The following CREB5 variants were observed in gnomAD, a reference collection of about 807,000 sequenced individuals.
CREB5 encodes the protein cyclic AMP-responsive element-binding protein 5.
A neutral mutation model predicts 57.1 loss-of-function variants in CREB5; 19 were observed. The observed-to-expected ratio is 0.33, with a 90% confidence interval of 0.23 to 0.49. The LOEUF is 0.49. Ranked by LOEUF, CREB5 falls within the 20% of genes least tolerant of loss-of-function variation. The pLI, the probability that CREB5 is intolerant of heterozygous loss-of-function variation, is 0.99. For synonymous variants in CREB5, 238 were observed against 238.3 expected, an observed-to-expected ratio of 1.00 and a Z score of 0.01; for missense variants, 579 against 671.6, an observed-to-expected ratio of 0.86 and a Z score of 1.52.
chr7:28,802,538 GA>G (rs1488272551), intron 7 of CREB5, among the ~76,000 whole-genome samples: 1 of 152,196 alleles, frequency 6.6e-6, no homozygotes, highest in Non-Finnish European at 1.5e-5. Flanking sequence ...CACAAATCTG[GA>G]AAGAACTTGC....
intron 1 of CREB5, among the ~76,000 whole-genome samples, chr7:28,331,322 T>C (rs983859682): frequency 2.6e-5 from 4 of 152,120 alleles, no homozygotes; most frequent in African/African-American, 9.7e-5. Flanking sequence ...AAGGAGCCGT[T>C]TTAGAATTTT....
intron 1 of CREB5, among the ~76,000 whole-genome samples, chr7:28,394,183 A>G (rs1043487672): frequency 5.3e-5 from 8 of 151,620 alleles, no homozygotes; most frequent in African/African-American, 1.9e-4. Context: ...AAGAAATATA[A>G]TTGATATTTT....
chr7:28,577,256 T>C (rs1795942369), intron 5 of CREB5, among the ~76,000 whole-genome samples: 1 of 152,216 alleles, frequency 6.6e-6, no homozygotes, highest in African/African-American at 2.4e-5. Context: ...TGTCTCAAAT[T>C]TATTCTCTCT....
At chr7:28,422,921 T>C (rs574868800) in intron 1 of CREB5, among the ~76,000 whole-genome samples, 3 of 152,296 alleles carry the variant, frequency 2.0e-5, no homozygotes, top group South Asian at 4.1e-4. Context: ...GAAATTATCT[T>C]ATTAGGGTGA....
rs1453191450 is a variant in CREB5 at position 28,809,176 on chromosome 7, TG to T, written c.1027-9del. ...CTATCCCCATCACCTCCTCCCTCTCTGGCCCAGCAGGTTTCACCAGCAACAC... is the reference window on the plus strand; with the variant it reads ...CTATCCCCATCACCTCCTCCCTCTCTGCCCAGCAGGTTTCACCAGCAACAC... On this transcript the variant is annotated splice_polypyrimidine_tract_variant and intron_variant, in intron 8 of 10. Transcript: ENST00000357727. 4 of 1,603,474 alleles carry T rather than the reference TG, an allele frequency of 2.5e-6. No homozygotes were observed. Among genetic ancestry groups the T allele is most frequent in the Non-Finnish European group, 2.6e-6 (3 of 1,173,604 alleles).
chr7:28,704,690 C>G (rs1196125291), intron 5 of CREB5, among the ~76,000 whole-genome samples: 1 of 152,122 alleles, frequency 6.6e-6, no homozygotes, highest in African/African-American at 2.4e-5. Flanking sequence ...CACCTGGGAT[C>G]AAGAGATCCT....
intron 1 of CREB5, among the ~76,000 whole-genome samples, chr7:28,441,256 G>GA (rs1789173799): frequency 6.6e-6 from 1 of 152,228 alleles, no homozygotes; most frequent in South Asian, 2.1e-4. Flanking sequence ...CCAAGCCCAT[G>GA]AGGCTGTCGA....
intron 9 of CREB5, among the ~76,000 whole-genome samples, chr7:28,812,776 C>G (rs1347265366): frequency 3.3e-5 from 5 of 152,156 alleles, no homozygotes; most frequent in Non-Finnish European, 7.4e-5. Flanking sequence ...TCTCACTGGA[C>G]CTTTGTCAAA....
intron 1 of CREB5, among the ~76,000 whole-genome samples, chr7:28,429,633 G>A (rs570524020): frequency 6.6e-6 from 1 of 152,198 alleles, no homozygotes; most frequent in South Asian, 2.1e-4. Context: ...TGTGATTGGG[G>A]GTGGAATTAT....
chr7:28,323,155 C>G (rs566894754), intron 1 of CREB5, among the ~76,000 whole-genome samples: 7 of 152,302 alleles, frequency 4.6e-5, no homozygotes, highest in Admixed American at 3.9e-4. Context: ...CATACCCTCC[C>G]CTCACCGAAC....
Position 28,536,856 on chromosome 7 carries a change from C to T in CREB5, c.291+29119C>T, listed in dbSNP as rs535097705. ...AAGCTTAGCATACTGAAGCCCAGGACGGTTAAGTTACTTGCCTGAGGTCAT... is the reference window on the plus strand; with the variant it reads ...AAGCTTAGCATACTGAAGCCCAGGATGGTTAAGTTACTTGCCTGAGGTCAT... On this transcript the variant is annotated intron_variant, in intron 4 of 10. Transcript: ENST00000357727. Among the ~76,000 whole-genome samples, 251 of 152,292 alleles carry T rather than the reference C, an allele frequency of 1.6e-3. 2 individuals are homozygous for T. Among genetic ancestry groups the T allele is most frequent in the African/African-American group, 5.4e-3 (226 of 41,552 alleles).
At chr7:28,535,782 G>T (rs216718) in intron 4 of CREB5, among the ~76,000 whole-genome samples, 1 of 152,020 alleles carries the variant, frequency 6.6e-6, no homozygotes, top group Non-Finnish European at 1.5e-5. Context: ...TCTAGGAAAG[G>T]TTCTTTCTGC....
intron 1 of CREB5, among the ~76,000 whole-genome samples, chr7:28,356,029 G>A (rs1388618498): frequency 6.6e-6 from 1 of 152,158 alleles, no homozygotes. Flanking sequence ...CACTAATTAC[G>A]GGTAAGAGCT....
intron 1 of CREB5, among the ~76,000 whole-genome samples, chr7:28,478,768 G>A (rs17718257): frequency 0.17 from 25,624 of 151,994 alleles, 2,247 homozygotes; most frequent in South Asian, 0.27. Context: ...TATCTGGACA[G>A]TGGGAGCTGT....
At chr7:28,572,816 C>T (rs572830802) in intron 5 of CREB5, among the ~76,000 whole-genome samples, 2 of 152,264 alleles carry the variant, frequency 1.3e-5, no homozygotes, top group African/African-American at 4.8e-5. Context: ...TGGATGGAGG[C>T]GGGTGTTTCT....
chr7:28,650,597 C>CT (rs1482075165), intron 5 of CREB5, among the ~76,000 whole-genome samples: 7 of 152,034 alleles, frequency 4.6e-5, no homozygotes, highest in East Asian at 1.9e-4. Context: ...TGCTTCCCCC[C>CT]CCAACCTTCC....
chr7:28,647,538 G>C (rs1798934100), intron 5 of CREB5, among the ~76,000 whole-genome samples: 2 of 152,116 alleles, frequency 1.3e-5, no homozygotes, highest in South Asian at 4.1e-4. Context: ...CTATTAGAAG[G>C]CATTGCTCTC....
intron 1 of CREB5, among the ~76,000 whole-genome samples, chr7:28,482,675 C>T (rs1436642255): frequency 3.3e-5 from 5 of 152,202 alleles, no homozygotes; most frequent in African/African-American, 9.7e-5. Context: ...GTGATAAATG[C>T]TGATAAATGT....
At chr7:28,816,225 A>C (rs997798666) in intron 9 of CREB5, among the ~76,000 whole-genome samples, 1 of 152,188 alleles carries the variant, frequency 6.6e-6, no homozygotes, top group Non-Finnish European at 1.5e-5. Flanking sequence ...AAAAAGAAGG[A>C]AGGCCATCTG....
Sources: allele counts gnomAD v4.1 joint callset (sites outside exome capture counted in the v4.1 genomes callset), GRCh38; gene constraint gnomAD v4.1.1; transcripts MANE v1.5; gene names NCBI Gene and HGNC (gene_info 2026-07-23, HGNC 2026-07-21).